Variants in GABRA2 observed in about 807,000 individuals in gnomAD.
GABRA2 encodes the protein gamma-aminobutyric acid receptor subunit alpha-2.
GABRA2 carries 16 observed loss-of-function variants against 48.7 expected under a neutral mutation model. That is an observed-to-expected ratio of 0.33 (90% CI 0.22 to 0.50). The LOEUF (loss-of-function observed/expected upper bound fraction) is 0.50. Ranked by LOEUF, GABRA2 falls within the 20% of genes least tolerant of loss-of-function variation. GABRA2 has a pLI of 0.98. For missense variants in GABRA2, 275 were observed against 535.6 expected, an observed-to-expected ratio of 0.51 and a Z score of 4.80; for synonymous variants, 185 against 184.5, an observed-to-expected ratio of 1.00 and a Z score of -0.02.
chr4:46,326,907 T>G (rs1481965999), intron 4 of GABRA2, among the ~76,000 whole-genome samples: 2 of 151,960 alleles, frequency 1.3e-5, no homozygotes, highest in African/African-American at 4.8e-5. Context: ...CATATCCCAG[T>G]GAATAGTACC....
intron 8 of GABRA2, among the ~76,000 whole-genome samples, chr4:46,291,490 G>T (rs1163455358): frequency 6.6e-6 from 1 of 152,112 alleles, no homozygotes; most frequent in African/African-American, 2.4e-5. Flanking sequence ...GAGTCAGTGG[G>T]CTGGGAAAGG....
intron 3 of GABRA2, among the ~76,000 whole-genome samples, chr4:46,335,344 T>TA (rs1732036617): frequency 6.6e-6 from 1 of 152,188 alleles, no homozygotes; most frequent in African/African-American, 2.4e-5. Context: ...TAGTGCCTGT[T>TA]ACAATATTCT....
chr4:46,384,369 A>G (rs997823816), intron 3 of GABRA2, among the ~76,000 whole-genome samples: 8 of 152,222 alleles, frequency 5.3e-5, no homozygotes, highest in Non-Finnish European at 8.8e-5. Flanking sequence ...CACTTCATGT[A>G]TTGCATTAAC....
At chr4:46,316,563 A>T (rs1728588457) in intron 4 of GABRA2, among the ~76,000 whole-genome samples, 1 of 152,002 alleles carries the variant, frequency 6.6e-6, no homozygotes, top group African/African-American at 2.4e-5. Context: ...AGATATTTTT[A>T]AATTGAAATC....
chr4:46,300,980 A>G (rs1008746755), intron 8 of GABRA2, among the ~76,000 whole-genome samples: 1 of 152,130 alleles, frequency 6.6e-6, no homozygotes, highest in Non-Finnish European at 1.5e-5. Context: ...CTAGAATACA[A>G]GTAGGATCAG....
At chr4:46,314,485 A>G (rs1728207874) in intron 4 of GABRA2, among the ~76,000 whole-genome samples, 1 of 151,946 alleles carries the variant, frequency 6.6e-6, no homozygotes, top group African/African-American at 2.4e-5. Context: ...TATTTATTTT[A>G]TTTTTTAATA....
chr4:46,271,126 T>C, intron 8 of GABRA2, among the ~76,000 whole-genome samples: 1 of 151,892 alleles, frequency 6.6e-6, no homozygotes, highest in East Asian at 1.9e-4. Context: ...GGGTGGAAGT[T>C]AAGAAGGAGA....
rs1714129829 is a variant in GABRA2, at chr4:46,248,505, A to T, written c.*1803T>A. ...ATTATGGATTACCTCTTGTGAGGGA[A>T]TTTTTAATGTCAAGGCTGTCTTCTT... On this transcript the variant is annotated 3_prime_UTR_variant, in exon 10 of 10. Coordinates refer to ENST00000381620, the MANE Select transcript of GABRA2 (RefSeq NM_000807.4). 6.6e-6 allele frequency: 1 copy of T among 151,426 alleles called. No homozygotes were observed. The highest frequency in any genetic ancestry group is 2.1e-4 in the South Asian group (1 of 4,828). 9.4% of individuals were successfully genotyped at this position (151,426 alleles called of 1,614,324 possible). A position where few individuals can be genotyped will look rare whatever the true frequency, so the allele number is the denominator to read the frequency against.
intron 3 of GABRA2, among the ~76,000 whole-genome samples, chr4:46,341,718 G>A (rs1733275697): frequency 6.6e-6 from 1 of 151,964 alleles, no homozygotes; most frequent in African/African-American, 2.4e-5. Flanking sequence ...GAAGATTAAG[G>A]CCATTTTAAG....
At chr4:46,362,064 T>C (rs1170225887) in intron 3 of GABRA2, among the ~76,000 whole-genome samples, 1 of 152,130 alleles carries the variant, frequency 6.6e-6, no homozygotes, top group Non-Finnish European at 1.5e-5. Context: ...CTGCAGACTT[T>C]TGAGATAATG....
Position 46,305,567 on chromosome 4 carries a change from C to T in GABRA2, c.703+1G>A. 1 of 1,613,288 alleles carries T rather than the reference C, an allele frequency of 6.2e-7. No individual in the cohort carries two copies. The highest frequency in any genetic ancestry group is 8.5e-7 in the Non-Finnish European group (1 of 1,179,698). ...CTTTTTTAAAGACTAATTTTACTAA[C>T]CTGTACTGGATTTAATTGTCTCCTT... On this transcript the variant is annotated splice_donor_variant, in intron 7 of 9. Transcript: ENST00000381620. LOFTEE classifies it high-confidence loss of function.
At chr4:46,385,078 C>CATAT (rs36113226) in intron 3 of GABRA2, among the ~76,000 whole-genome samples, 1,820 of 143,448 alleles carry the variant, frequency 0.013, 13 homozygotes, top group Admixed American at 0.019. Flanking sequence ...AATTGCCTAA[C>CATAT]ATATATATAT....
At chr4:46,258,618 C>A (rs1389894875) in intron 9 of GABRA2, among the ~76,000 whole-genome samples, 1 of 151,782 alleles carries the variant, frequency 6.6e-6, no homozygotes, top group African/African-American at 2.4e-5. Context: ...TGGGTCCACT[C>A]TGAACTCTGG....
intron 9 of GABRA2, chr4:46,260,895 T>C (rs902531245): frequency 1.3e-5 from 2 of 151,878 alleles, no homozygotes; most frequent in Admixed American, 6.6e-5. Flanking sequence ...ACCAAGACTT[T>C]TAAACTATAA....
chr4:46,332,277 A>G (rs1731497483), intron 4 of GABRA2, among the ~76,000 whole-genome samples: 1 of 152,154 alleles, frequency 6.6e-6, no homozygotes, highest in African/African-American at 2.4e-5. Context: ...CTGTGAAACT[A>G]TATTCACTTT....
intron 8 of GABRA2, among the ~76,000 whole-genome samples, chr4:46,290,401 T>C (rs1460112695): frequency 7.3e-6 from 1 of 137,092 alleles, no homozygotes. Flanking sequence ...TTCCAATCTC[T>C]TAACGTAGAA....
At chr4:46,290,013 G>A (rs1036241461) in intron 8 of GABRA2, among the ~76,000 whole-genome samples, 1 of 150,258 alleles carries the variant, frequency 6.7e-6, no homozygotes, top group Non-Finnish European at 1.5e-5. Context: ...CCGGGTTCAC[G>A]CCATTCTCCT....
At chr4:46,319,240 C>A (rs1578033153) in intron 4 of GABRA2, among the ~76,000 whole-genome samples, 1 of 151,696 alleles carries the variant, frequency 6.6e-6, no homozygotes, top group South Asian at 2.1e-4. Context: ...TACTTATAGC[C>A]AATTCCTGAA....
At chr4:46,349,664 C>T (rs945708594) in intron 3 of GABRA2, among the ~76,000 whole-genome samples, 3 of 151,882 alleles carry the variant, frequency 2.0e-5, no homozygotes, top group African/African-American at 7.2e-5. Flanking sequence ...CAAACCCTTG[C>T]TATCTTTCCC....
Sources: allele counts gnomAD v4.1 joint callset (sites outside exome capture counted in the v4.1 genomes callset), GRCh38; gene constraint gnomAD v4.1.1; transcripts MANE v1.5; gene names NCBI Gene and HGNC (gene_info 2026-07-23, HGNC 2026-07-21).